The following DOCK1 variants were observed in gnomAD, a reference collection of about 807,000 sequenced individuals.
The protein encoded by DOCK1 is dedicator of cytokinesis protein 1.
Under a neutral mutation model 262.7 loss-of-function variants are expected in DOCK1, and 138 were observed. The ratio of observed to expected loss-of-function variants is 0.53; its 90% confidence interval spans 0.46 to 0.61. DOCK1 has a LOEUF of 0.61. Ranked by LOEUF, DOCK1 falls within the 20% of genes least tolerant of loss-of-function variation. DOCK1 has a pLI of 0.00. For missense variants in DOCK1, 1,908 were observed against 2,370.7 expected (o/e 0.80, Z 4.05); for synonymous variants, 866 against 867.4 (o/e 1.00, Z 0.03).
chr10:127,118,155 TCA>T (rs2049306989), intron 25 of DOCK1, among the ~76,000 whole-genome samples: 2 of 152,186 alleles, frequency 1.3e-5, no homozygotes, highest in African/African-American at 4.8e-5. Flanking sequence ...ATATTCTCTC[TCA>T]GTTTTCTCAT....
At chr10:127,110,442 G>A in intron 25 of DOCK1, 88 bp downstream of exon 25, 2 of 1,221,552 alleles carry the variant, frequency 1.6e-6, no homozygotes, top group Non-Finnish European at 2.4e-6. Context: ...CTTGACAAAA[G>A]GAGTAGAGGC....
intron 25 of DOCK1, among the ~76,000 whole-genome samples, chr10:127,125,014 G>A (rs1436389627): frequency 6.6e-6 from 1 of 152,082 alleles, no homozygotes; most frequent in Non-Finnish European, 1.5e-5. Context: ...CTACTCAGGA[G>A]GCTGAGGCGG....
intron 6 of DOCK1, among the ~76,000 whole-genome samples, chr10:126,991,868 G>A (rs1431341457): frequency 6.6e-6 from 1 of 152,088 alleles, no homozygotes; most frequent in African/African-American, 2.4e-5. Context: ...GGTTGTGCTG[G>A]ACAGCAGATT....
At chr10:126,982,702 C>G (rs185115384) in intron 4 of DOCK1, among the ~76,000 whole-genome samples, 1 of 151,916 alleles carries the variant, frequency 6.6e-6, no homozygotes, top group Non-Finnish European at 1.5e-5. Flanking sequence ...TGAAAAGAAC[C>G]GTTCGGGTTC....
rs193274142 is a variant in DOCK1 at position 127,217,014 on chromosome 10, A to C, written c.2848-30994A>C. 2.0e-5 allele frequency among the ~76,000 whole-genome samples: 3 copies of C among 152,208 alleles called. No homozygotes were observed. The East Asian group carries it at 5.8e-4, about 29-fold the overall frequency. ...GGCAGAGCCCTTGCTTTTTAGTTTC[A>C]TGGAGGCTACATTATAACAGAGAGG... On this transcript the variant is annotated intron_variant, in intron 27 of 51. Transcript: ENST00000623213.
At chr10:127,290,169 C>A (rs1246653225) in intron 29 of DOCK1, among the ~76,000 whole-genome samples, 3 of 151,928 alleles carry the variant, frequency 2.0e-5, no homozygotes, top group East Asian at 3.9e-4. Context: ...TTTATGATCA[C>A]GTCCTGGTTT....
intron 23 of DOCK1, among the ~76,000 whole-genome samples, chr10:127,092,660 T>G (rs1264984253): frequency 1.3e-5 from 2 of 152,144 alleles, no homozygotes; most frequent in African/African-American, 2.4e-5. Flanking sequence ...TTTTTTGTAT[T>G]TTTAATAGAG....
intron 23 of DOCK1, among the ~76,000 whole-genome samples, chr10:127,070,250 CTTTTTTT>C (rs71032535): frequency 3.3e-4 from 31 of 92,952 alleles, no homozygotes; most frequent in Non-Finnish European, 5.7e-4. Flanking sequence ...GAATTTAGCC[CTTTTTTT>C]TTTTTTTTTT....
intron 31 of DOCK1, among the ~76,000 whole-genome samples, chr10:127,350,267 T>A (rs1485806258): frequency 2.0e-5 from 3 of 151,274 alleles, no homozygotes; most frequent in African/African-American, 7.3e-5. Context: ...GGGGACGCTT[T>A]AAAAAAAACC....
intron 27 of DOCK1, among the ~76,000 whole-genome samples, chr10:127,139,588 T>C (rs954328981): frequency 3.3e-5 from 5 of 152,112 alleles, no homozygotes; most frequent in African/African-American, 1.2e-4. Context: ...CTAAGGACAG[T>C]TGTGAAAAGT....
chr10:126,942,270 G>A (rs2035073958), intron 1 of DOCK1, among the ~76,000 whole-genome samples: 1 of 152,140 alleles, frequency 6.6e-6, no homozygotes, highest in East Asian at 1.9e-4. Flanking sequence ...TGATTCACCT[G>A]CCTCGGCCTC....
intron 23 of DOCK1, among the ~76,000 whole-genome samples, chr10:127,098,784 G>A (rs979622054): frequency 1.3e-5 from 2 of 152,058 alleles, no homozygotes; most frequent in African/African-American, 4.8e-5. Flanking sequence ...TCTATCCACA[G>A]GGCAGATGTC....
rs144113588 is a variant in DOCK1 at position 127,109,657 on chromosome 10, T to C, written c.2517-591T>C. Among the ~76,000 whole-genome samples the C allele has an allele frequency of 3.3e-5, 5 of 152,344 alleles. No homozygotes were observed. In the East Asian group the frequency reaches 9.6e-4, roughly 29 times the overall value. ...GTGTGGCCTCTGTACTGGCTTCTTC[T>C]ACTTAGCATAAAGTTTTCAAGGTTT... On this transcript the variant is annotated intron_variant, in intron 24 of 51. Transcript: ENST00000623213.
intron 38 of DOCK1, among the ~76,000 whole-genome samples, chr10:127,402,172 TA>T (rs1207850239): frequency 6.6e-6 from 1 of 152,202 alleles, no homozygotes; most frequent in Non-Finnish European, 1.5e-5. Context: ...CAAGGGCTTA[TA>T]TTCTCTGAGG....
intron 1 of DOCK1, among the ~76,000 whole-genome samples, chr10:126,926,790 C>T (rs2033765612): frequency 6.6e-6 from 1 of 152,156 alleles, no homozygotes; most frequent in Non-Finnish European, 1.5e-5. Flanking sequence ...CCGTAGGGCT[C>T]CCTGGAGCTG....
chr10:127,106,681 T>C (rs2048548060), intron 24 of DOCK1, among the ~76,000 whole-genome samples: 1 of 152,120 alleles, frequency 6.6e-6, no homozygotes, highest in Non-Finnish European at 1.5e-5. Flanking sequence ...CTTCTGCTTC[T>C]GTAATAGAGG....
intron 29 of DOCK1, among the ~76,000 whole-genome samples, chr10:127,278,216 C>A (rs1273997871): frequency 2.0e-5 from 3 of 152,124 alleles, no homozygotes; most frequent in Non-Finnish European, 4.4e-5. Context: ...ACATGGCTGT[C>A]CCTTGAGTCA....
At chr10:127,073,678 G>C (rs2135945628) in intron 23 of DOCK1, among the ~76,000 whole-genome samples, 1 of 152,312 alleles carries the variant, frequency 6.6e-6, no homozygotes, top group Non-Finnish European at 1.5e-5. Context: ...TTAATCTTCA[G>C]ACAGAACCAT....
In DOCK1 at chr10:126,998,251, T is replaced by C. The variant is rs1279763499; in HGVS notation, c.767+2T>C. ...CCCTGTGGAGTCCAAATTCATCAGG[T>C]GGGTGACATTTCTTGGCTGCCGTCT... On this transcript the variant is annotated splice_donor_variant, in intron 8 of 51. Coordinates refer to ENST00000623213, the MANE Select transcript of DOCK1 (RefSeq NM_001290223.2). LOFTEE classifies it high-confidence loss of function. 1 of 1,613,554 alleles carries C rather than the reference T, an allele frequency of 6.2e-7. No individual in the cohort carries two copies. The highest frequency in any genetic ancestry group is 1.7e-5 in the Admixed American group (1 of 60,010).
Sources: gnomAD v4.1 joint callset for allele counts (sites outside exome capture counted in the v4.1 genomes callset) on GRCh38, gnomAD v4.1.1 for gene constraint, MANE v1.5 for transcripts, NCBI Gene and HGNC (gene_info 2026-07-23, HGNC 2026-07-21) for gene names.